Variants in TSNARE1 observed in about 807,000 individuals in gnomAD.
TSNARE1 encodes the protein t-SNARE domain-containing protein 1.
Under a neutral mutation model 62.0 loss-of-function variants are expected in TSNARE1, and 49 were observed. The observed-to-expected ratio is 0.79, with a 90% CI of 0.63 to 1.00. The LOEUF (loss-of-function observed/expected upper bound fraction) is 1.00, where lower values mean the gene tolerates loss of function less well. Among genes scored for constraint, TSNARE1 ranks in the 50% least tolerant of loss-of-function variants. TSNARE1 has a pLI of 0.00. For synonymous variants in TSNARE1, 328 were observed against 294.4 expected, an observed-to-expected ratio of 1.11 and a Z score of -1.17; for missense variants, 755 against 700.1, an observed-to-expected ratio of 1.08 and a Z score of -0.88.
At chr8:142,351,040 CCTT>C (rs1290704893) in intron 2 of TSNARE1, among the ~76,000 whole-genome samples, 1 of 152,174 alleles carries the variant, frequency 6.6e-6, no homozygotes, top group Non-Finnish European at 1.5e-5. Flanking sequence ...TAAAAGGAGT[CCTT>C]CTCTTTTAGA....
intron 13 of TSNARE1, among the ~76,000 whole-genome samples, chr8:142,227,635 G>C (rs541840058): frequency 6.6e-6 from 1 of 152,348 alleles, no homozygotes; most frequent in Non-Finnish European, 1.5e-5. Context: ...GGCCACCTGG[G>C]GTCTTCACAT....
intron 12 of TSNARE1, among the ~76,000 whole-genome samples, chr8:142,232,633 C>A (rs1195317973): frequency 1.3e-5 from 2 of 152,222 alleles, no homozygotes; most frequent in African/African-American, 4.8e-5. Context: ...GGACACTCTG[C>A]AGCTCCAGCC....
chr8:142,372,392 G>C (rs1283792263), intron 1 of TSNARE1, among the ~76,000 whole-genome samples: 1 of 152,226 alleles, frequency 6.6e-6, no homozygotes, highest in Admixed American at 6.5e-5. Flanking sequence ...GGAAGAGCTG[G>C]AGAGGCTGGG....
At chr8:142,346,117 C>T (rs1833338508) in intron 2 of TSNARE1, among the ~76,000 whole-genome samples, 1 of 152,220 alleles carries the variant, frequency 6.6e-6, no homozygotes, top group Admixed American at 6.5e-5. Context: ...TTCTCTGAAC[C>T]AGTTCTGAAA....
upstream of TSNARE1, chr8:142,406,900 A>C (rs1433288985): frequency 2.0e-5 from 3 of 152,278 alleles, no homozygotes; most frequent in Non-Finnish European, 4.4e-5. Context: ...TTCAAGACTC[A>C]GTCTGCGTCA....
intron 12 of TSNARE1, among the ~76,000 whole-genome samples, chr8:142,235,815 C>T (rs1447269521): frequency 6.6e-6 from 1 of 152,200 alleles, no homozygotes; most frequent in African/African-American, 2.4e-5. Context: ...TGAGCGTTTC[C>T]TCTGTGCCAG....
intron 10 of TSNARE1, among the ~76,000 whole-genome samples, chr8:142,295,880 G>C (rs1056978696): frequency 6.6e-6 from 1 of 150,702 alleles, no homozygotes; most frequent in Non-Finnish European, 1.5e-5. Context: ...CTGTGCGCAG[G>C]GATGAGATGC....
chr8:142,336,030 C>T (rs544385324), intron 4 of TSNARE1, among the ~76,000 whole-genome samples: 1 of 152,152 alleles, frequency 6.6e-6, no homozygotes, highest in Non-Finnish European at 1.5e-5. Flanking sequence ...TGCCTGTAAT[C>T]CCAACACTTT....
At chr8:142,292,137 G>A (rs1047962098) in intron 10 of TSNARE1, among the ~76,000 whole-genome samples, 10 of 152,210 alleles carry the variant, frequency 6.6e-5, no homozygotes, top group African/African-American at 2.2e-4. Flanking sequence ...AGCTCCAGCC[G>A]AGATCCCAGC....
At chr8:142,252,435 G>A (rs962399856) in intron 12 of TSNARE1, among the ~76,000 whole-genome samples, 1 of 152,192 alleles carries the variant, frequency 6.6e-6, no homozygotes, top group African/African-American at 2.4e-5. Context: ...AATGAGGCTG[G>A]TTTCCCCGTC....
intron 13 of TSNARE1, among the ~76,000 whole-genome samples, chr8:142,222,555 C>G (rs111215842): frequency 0.015 from 921 of 60,742 alleles, 211 homozygotes; most frequent in Non-Finnish European, 0.019. Flanking sequence ...CACTCACTCA[C>G]TCACTCATTC....
chr8:142,373,538 A>T (rs1185521740), intron 1 of TSNARE1, among the ~76,000 whole-genome samples: 1 of 152,110 alleles, frequency 6.6e-6, no homozygotes. Flanking sequence ...AAAGCCCGGC[A>T]GGCCCACGAG....
At chr8:142,316,305 G>A (rs577499838) in intron 7 of TSNARE1, among the ~76,000 whole-genome samples, 26 of 151,778 alleles carry the variant, frequency 1.7e-4, no homozygotes, top group African/African-American at 4.8e-4. Context: ...AGTGGTCCCC[G>A]CAGGGCAGCC....
chr8:142,370,527 C>T (rs901883550), intron 1 of TSNARE1, among the ~76,000 whole-genome samples: 4 of 152,092 alleles, frequency 2.6e-5, no homozygotes, highest in Non-Finnish European at 4.4e-5. Flanking sequence ...AGCCAAGCAC[C>T]ACCGCACTCC....
At chr8:142,347,641 C>T (rs758367480) in intron 2 of TSNARE1, among the ~76,000 whole-genome samples, 4 of 152,074 alleles carry the variant, frequency 2.6e-5, no homozygotes, top group Admixed American at 1.3e-4. Context: ...CTCAAGGACA[C>T]GCCATCACCT....
intron 13 of TSNARE1, among the ~76,000 whole-genome samples, chr8:142,223,587 C>T (rs796160137): frequency 0.035 from 721 of 20,470 alleles, 133 homozygotes; most frequent in South Asian, 0.078. Flanking sequence ...CATCCACTCA[C>T]TCATTCACTC....
chr8:142,386,372 A>G (rs1837112796), intron 1 of TSNARE1, among the ~76,000 whole-genome samples: 1 of 152,198 alleles, frequency 6.6e-6, no homozygotes, highest in Non-Finnish European at 1.5e-5. Flanking sequence ...TCATATAGAC[A>G]AAAGTATAGA....
At chr8:142,353,086 C>A (rs921413063) in intron 2 of TSNARE1, among the ~76,000 whole-genome samples, 3 of 152,156 alleles carry the variant, frequency 2.0e-5, no homozygotes, top group African/African-American at 7.2e-5. Flanking sequence ...AGGACACTCT[C>A]ATTCAGGTCT....
At chr8:142,333,198 G>A (rs62513775) in intron 4 of TSNARE1, among the ~76,000 whole-genome samples, 20,561 of 152,188 alleles carry the variant, frequency 0.14, 1,483 homozygotes, top group East Asian at 0.22. Flanking sequence ...GCACACTTAG[G>A]AGCTGTGCAG....
Sources: gnomAD v4.1 joint callset for allele counts (sites outside exome capture counted in the v4.1 genomes callset) on GRCh38, gnomAD v4.1.1 for gene constraint, MANE v1.5 for transcripts, NCBI Gene and HGNC (gene_info 2026-07-23, HGNC 2026-07-21) for gene names.